The following LILRA2 variants were observed in gnomAD, a reference collection of about 807,000 sequenced individuals.
The protein encoded by LILRA2 is leukocyte immunoglobulin-like receptor subfamily A member 2.
LILRA2 carries 45 observed loss-of-function variants against 47.9 expected under a neutral mutation model. The observed-to-expected ratio is 0.94, with a 90% confidence interval of 0.74 to 1.20. The LOEUF is 1.20. LILRA2 is among the 50% of genes most tolerant of loss of function. The pLI is 0.00. For missense variants in LILRA2, 651 were observed against 598.2 expected, an observed-to-expected ratio of 1.09 and a Z score of -0.92; for synonymous variants, 279 against 249.2, an observed-to-expected ratio of 1.12 and a Z score of -1.13.
chr19:54,576,382 C>T (rs372553047), intron 6 of LILRA2, among the ~76,000 whole-genome samples: 45 of 152,242 alleles, frequency 3.0e-4, no homozygotes, highest in East Asian at 2.9e-3. Context: ...GGGTGGAAGA[C>T]GGAGACCCCA....
rs1194236676 is a variant in LILRA2, at chr19:54,575,920, A to G, written c.1066A>G (p.Thr356Ala). ...GGGGCAGTTCCACACTTTCCTTCTG[A>G]CCAAGGAGGGGGCAGGCCATCCCCC... ...SRGQFHTFLLTKEGAGHPPLH... is the reference protein window; with the variant it reads ...SRGQFHTFLLAKEGAGHPPLH... Residue 356 changes from threonine to alanine, a missense_variant, in exon 6 of 8, where the codon ACC becomes GCC. Thr to Ala is a moderately conservative substitution (Grantham distance 58). Transcript: ENST00000391738. 6.2e-7 allele frequency: 1 copy of G among 1,613,788 alleles called. No individual in the cohort carries two copies. The highest frequency in any genetic ancestry group is 8.5e-7 in the Non-Finnish European group (1 of 1,179,902).
At position 54,587,592 on chromosome 19, in the gene LILRA2, T is replaced by G; in HGVS notation, c.*246T>G. On this transcript the variant is annotated 3_prime_UTR_variant, in exon 8 of 8. Coordinates refer to ENST00000391738, the MANE Select transcript of LILRA2 (RefSeq NM_001130917.3). ...CTTCCCTTGACTGGATCCCCTTTTT[T>G]TCCCATCCCCAGACATGAGGCTCCA... 3.1e-6 allele frequency: 2 copies of G among 651,012 alleles called. No homozygotes were observed. Among genetic ancestry groups the G allele is most frequent in the Non-Finnish European group, 2.5e-6 (1 of 396,954 alleles). The allele number at this position is 651,012 out of a possible 1,614,324, so 40.3% of individuals were successfully genotyped here. A position where few individuals can be genotyped will look rare whatever the true frequency, so the allele number is the denominator to read the frequency against.
rs200611464 is a variant in LILRA2, at chr19:54,574,510, C to T, written c.280C>T (p.Arg94Trp). The change falls in exon 3 of 8, where the codon CGG (arginine) becomes TGG (tryptophan). Residue 94 changes from arginine (R) to tryptophan (W), a missense_variant. Coordinates refer to ENST00000391738, the MANE Select transcript of LILRA2 (RefSeq NM_001130917.3). ...ATCCATCACCTGGGAACACGCAGGG[C>T]GGTATCACTGTCAGTACTACAGCCA... ...IPSITWEHAG[R>W]YHCQYYSHNH... 5.0e-5 allele frequency: 81 copies of T among 1,613,822 alleles called. No homozygotes were observed. The highest frequency in any genetic ancestry group is 1.8e-4 in the Admixed American group (11 of 60,010).
intron 6 of LILRA2, among the ~76,000 whole-genome samples, chr19:54,582,148 T>A (rs1244088398): frequency 6.6e-6 from 1 of 152,236 alleles, no homozygotes; most frequent in Non-Finnish European, 1.5e-5. Flanking sequence ...GTGGGTAAGC[T>A]TTTTGATGTG....
upstream of LILRA2, chr19:54,573,685 GC>G: frequency 1.3e-6 from 1 of 764,892 alleles, no homozygotes; most frequent in African/African-American, 2.2e-5. Context: ...CCTGGTGCCT[GC>G]CCCCACCTCA....
intron 6 of LILRA2, chr19:54,577,409 G>T: frequency 6.6e-6 from 8 of 1,213,158 alleles, no homozygotes; most frequent in South Asian, 1.4e-5. Context: ...AGGCAGGTGA[G>T]TTGGAGAGAG....
chr19:54,587,998 G>A lies in LILRA2; in HGVS notation c.*652G>A, dbSNP rs1466407963. 2 of 152,376 alleles carry A rather than the reference G, an allele frequency of 1.3e-5. No individual in the cohort carries two copies. The highest frequency in any genetic ancestry group is 2.9e-5 in the Non-Finnish European group (2 of 68,216). The allele number at this position is 152,376 out of a possible 1,614,324, so 9.4% of individuals were successfully genotyped here. A position where few individuals can be genotyped will look rare whatever the true frequency, so the allele number is the denominator to read the frequency against. On this transcript the variant is annotated 3_prime_UTR_variant, in exon 8 of 8. Coordinates refer to ENST00000391738, the MANE Select transcript of LILRA2 (RefSeq NM_001130917.3). The stretch of plus-strand genomic sequence containing the variant: ...CATCTCTAAAATACTGTAATTAGTG[G>A]TATCTACCAATTTCTGTGACATAAA...
intron 6 of LILRA2, among the ~76,000 whole-genome samples, chr19:54,581,958 G>A (rs1281773317): frequency 6.6e-6 from 1 of 152,130 alleles, no homozygotes; most frequent in Admixed American, 6.6e-5. Context: ...CATCAGTACC[G>A]AGTTTATTGA....
At chr19:54,577,683 G>T in intron 6 of LILRA2, 1 of 1,285,462 alleles carries the variant, frequency 7.8e-7, no homozygotes, top group South Asian at 1.2e-5. Context: ...GCATCCCTGA[G>T]AATAAGGAGG....
chr19:54,576,062 C>T lies in LILRA2; in HGVS notation c.1208C>T (p.Pro403Leu), dbSNP rs745963524. Residue 403 changes from proline to leucine, a missense_variant, in exon 6 of 8, where the codon CCC (proline) becomes CTC (leucine). Pro to Leu is a moderately conservative substitution (Grantham distance 98). Coordinates refer to ENST00000391738, the MANE Select transcript of LILRA2 (RefSeq NM_001130917.3). ...YRCYSSLSSN[P>L]YLLSLPSDPL... is the part of the protein sequence containing the mutation. ...TGCTACAGCTCACTCAGCTCCAACCCCTACCTGCTGTCTCTCCCCAGTGAC... is the reference window on the plus strand; with the variant it reads ...TGCTACAGCTCACTCAGCTCCAACCTCTACCTGCTGTCTCTCCCCAGTGAC... 2 of 1,614,148 alleles carry T rather than the reference C, an allele frequency of 1.2e-6. No homozygotes were observed. Among genetic ancestry groups the T allele is most frequent in the Non-Finnish European group, 1.7e-6 (2 of 1,180,006 alleles).
At position 54,575,843 on chromosome 19, in the gene LILRA2, C is replaced by T. The variant is rs371767023; in HGVS notation, c.989C>T (p.Pro330Leu). Reference protein sequence around the residue: ...FYDRPSLSVQPVPTVAPGKNV... With the variant: ...FYDRPSLSVQLVPTVAPGKNV... The stretch of plus-strand genomic sequence containing the variant: ...GACAGACCCTCTCTCTCGGTGCAGC[C>T]GGTCCCCACAGTAGCCCCAGGAAAG... Residue 330 changes from proline (P) to leucine (L), a missense_variant, in exon 6 of 8, where the codon CCG (proline) becomes CTG (leucine). By Grantham distance (98) the Pro-to-Leu change is moderately conservative. Transcript: ENST00000391738. 1.6e-5 allele frequency: 26 copies of T among 1,613,184 alleles called. No homozygotes were observed. Among genetic ancestry groups the T allele is most frequent in the East Asian group, 6.7e-5 (3 of 44,848 alleles).
Position 54,579,649 on chromosome 19 carries a change from G to C in LILRA2, c.1255+3540G>C, listed in dbSNP as rs538614791. 7.9e-4 allele frequency among the ~76,000 whole-genome samples: 121 copies of C among 152,250 alleles called. 3 individuals are homozygous for C. In the South Asian group the frequency reaches 0.025, roughly 31 times the overall value. ...AGTTTTTTCCAATTATGTGAAGAAA[G>C]TCAGTGGTAGCTTGATGGGGATAGC... On this transcript the variant is annotated intron_variant, in intron 6 of 7. Coordinates refer to ENST00000391738, the MANE Select transcript of LILRA2 (RefSeq NM_001130917.3).
intron 6 of LILRA2, among the ~76,000 whole-genome samples, chr19:54,583,300 G>C (rs929572354): frequency 2.0e-5 from 3 of 152,124 alleles, no homozygotes; most frequent in Non-Finnish European, 4.4e-5. Flanking sequence ...GGTCTGCTTG[G>C]TTCAGACCTG....
rs75028967 is a variant in LILRA2, at chr19:54,576,023, T to C, written c.1169T>C (p.Val390Ala). ...ATGGGTCCTGTGACCTCAGCCCACG[T>C]GGGGACCTACAGATGCTACAGCTCA... ...FRMGPVTSAH[V>A]GTYRCYSSLS... The change falls in exon 6 of 8, where the codon GTG (valine) becomes GCG (alanine). Residue 390 changes from valine to alanine, a missense_variant. Val to Ala is a moderately conservative substitution (Grantham distance 64). Transcript: ENST00000391738. 4.6e-3 allele frequency: 6,959 copies of C among 1,505,032 alleles called. 200 individuals are homozygous for C. In the African/African-American group the frequency reaches 0.075, roughly 16 times the overall value. The allele number at this position is 1,505,032 out of a possible 1,614,324, so 93.2% of individuals were successfully genotyped here. A position where few individuals can be genotyped will look rare whatever the true frequency, so the allele number is the denominator to read the frequency against.
intron 6 of LILRA2, among the ~76,000 whole-genome samples, chr19:54,582,588 G>T (rs1411318492): frequency 1.3e-5 from 2 of 152,068 alleles, no homozygotes; most frequent in Non-Finnish European, 2.9e-5. Flanking sequence ...ATTCTCTGAT[G>T]GTAGTTTGTA....
At chr19:54,583,140 G>C (rs2062692788) in intron 6 of LILRA2, among the ~76,000 whole-genome samples, 1 of 152,218 alleles carries the variant, frequency 6.6e-6, no homozygotes, top group South Asian at 2.1e-4. Flanking sequence ...TGGTGTGAGA[G>C]ACAGTTTGTT....
rs1396741627 is a variant in LILRA2 at position 54,587,020 on chromosome 19, G to C, written c.1266G>C (p.Glu422Asp). 3.1e-6 allele frequency: 5 copies of C among 1,612,744 alleles called. No homozygotes were observed. Among genetic ancestry groups the C allele is most frequent in the Non-Finnish European group, 4.2e-6 (5 of 1,179,212 alleles). The change falls in exon 7 of 8, where the codon GAG (glutamate) becomes GAC (aspartate). Residue 422 changes from glutamate to aspartate, a missense_variant. Transcript: ENST00000391738. Reference sequence around the variant, plus strand: ...TGTTTTGATTCTCAGAAGCAGCTGAGACCCTCAGCCCATCACAAAACAAGA... The same window carrying C: ...TGTTTTGATTCTCAGAAGCAGCTGACACCCTCAGCCCATCACAAAACAAGA... ...PLELVVSEAA[E>D]TLSPSQNKTD...
In LILRA2 at chr19:54,575,452, T is replaced by G. The variant is rs1281410212; in HGVS notation, c.852T>G (p.Pro284=). 1 of 1,613,846 alleles carries G rather than the reference T, an allele frequency of 6.2e-7. No individual in the cohort carries two copies. Among genetic ancestry groups the G allele is most frequent in the Non-Finnish European group, 8.5e-7 (1 of 1,179,966 alleles). The change falls in exon 5 of 8, where the codon CCT becomes CCG. Residue 284 remains proline (P), a synonymous_variant. Coordinates refer to ENST00000391738, the MANE Select transcript of LILRA2 (RefSeq NM_001130917.3). ...CCCAGGCCAACTTCACCCTGGGCCC[T>G]GTGAGCCCCTCCCACGGGGGCCAGT... The part of the protein sequence containing the change: ...GLSQANFTLG[P]VSPSHGGQYR...
At position 54,587,597 on chromosome 19, in the gene LILRA2, A is replaced by G; in HGVS notation, c.*251A>G. On this transcript the variant is annotated 3_prime_UTR_variant, in exon 8 of 8. Transcript: ENST00000391738. ...CTTGACTGGATCCCCTTTTTTTCCC[A>G]TCCCCAGACATGAGGCTCCATCCCA... The G allele has an allele frequency of 1.6e-6, 1 of 622,148 alleles. No homozygotes were observed. Among genetic ancestry groups the G allele is most frequent in the Non-Finnish European group, 2.7e-6 (1 of 372,614 alleles). The allele number at this position is 622,148 out of a possible 1,614,324, so 38.5% of individuals were successfully genotyped here. A position where few individuals can be genotyped will look rare whatever the true frequency, so the allele number is the denominator to read the frequency against.
Sources: allele counts gnomAD v4.1 joint callset (sites outside exome capture counted in the v4.1 genomes callset), GRCh38; gene constraint gnomAD v4.1.1; transcripts MANE v1.5; gene names NCBI Gene and HGNC (gene_info 2026-07-23, HGNC 2026-07-21).